The following RBMS3 variants were observed in gnomAD, a reference collection of about 807,000 sequenced individuals.
The protein encoded by RBMS3 is RNA binding motif single stranded interacting protein 3.
A neutral mutation model predicts 66.8 loss-of-function variants in RBMS3; 27 were observed. That is an observed-to-expected ratio of 0.40 (90% CI 0.30 to 0.56). The LOEUF (loss-of-function observed/expected upper bound fraction) is 0.56, where lower values mean the gene tolerates loss of function less well. Ranked by LOEUF, RBMS3 falls within the 20% of genes least tolerant of loss-of-function variation. The pLI is 0.40. For synonymous variants in RBMS3, 188 were observed against 183.0 expected (o/e 1.03, Z -0.22); for missense variants, 513 against 549.5 (o/e 0.93, Z 0.66).
In RBMS3 at chr3:29,909,549, C is replaced by T. The variant is rs111993268; in HGVS notation, c.939+9794C>T. The stretch of plus-strand genomic sequence containing the variant: ...CCCTGCCTCCTAAGCACAGGAGTGT[C>T]TAGGGGCAGTGGTGAGTCTAGAATC... On this transcript the variant is annotated intron_variant, in intron 10 of 14. Coordinates refer to ENST00000383767, the MANE Select transcript of RBMS3 (RefSeq NM_001003793.3). Among the ~76,000 whole-genome samples, 46 of 152,184 alleles carry T rather than the reference C, an allele frequency of 3.0e-4. 2 individuals are homozygous for T. The highest frequency in any genetic ancestry group is 1.1e-3 in the African/African-American group (44 of 41,524).
chr3:29,308,771 GA>G (rs2034186429), intron 1 of RBMS3, among the ~76,000 whole-genome samples: 2 of 137,502 alleles, frequency 1.5e-5, no homozygotes, highest in Non-Finnish European at 3.2e-5. Context: ...AAAAAAACGG[GA>G]AAGTAAAACT....
chr3:29,579,453 G>T (rs912040714), intron 3 of RBMS3, among the ~76,000 whole-genome samples: 2 of 152,180 alleles, frequency 1.3e-5, no homozygotes, highest in African/African-American at 4.8e-5. Context: ...TAAGTCTAGA[G>T]CAAGGGGGAG....
chr3:29,325,032 A>G (rs1221160194), intron 1 of RBMS3, among the ~76,000 whole-genome samples: 2 of 152,196 alleles, frequency 1.3e-5, no homozygotes, highest in Admixed American at 1.3e-4. Flanking sequence ...TAACAAGAGA[A>G]TATTGGAAAC....
intron 12 of RBMS3, among the ~76,000 whole-genome samples, chr3:29,946,844 T>C (rs1695348497): frequency 6.6e-6 from 1 of 151,676 alleles, no homozygotes; most frequent in Non-Finnish European, 1.5e-5. Context: ...ATGGACTATG[T>C]ATTTGTGTGA....
chr3:29,360,708 T>A (rs546271276), intron 1 of RBMS3, among the ~76,000 whole-genome samples: 1 of 152,098 alleles, frequency 6.6e-6, no homozygotes, highest in African/African-American at 2.4e-5. Flanking sequence ...CTCTAAGGAC[T>A]TGCTTTATGA....
intron 1 of RBMS3, among the ~76,000 whole-genome samples, chr3:29,282,697 A>G (rs2031916051): frequency 6.6e-6 from 1 of 152,054 alleles, no homozygotes. Context: ...ATTATTTTGT[A>G]TTGCATTAGC....
chr3:29,477,720 G>A (rs76621568), intron 2 of RBMS3, among the ~76,000 whole-genome samples: 1 of 152,018 alleles, frequency 6.6e-6, no homozygotes, highest in Non-Finnish European at 1.5e-5. Context: ...AGTTGAGTAG[G>A]GATGAGGAGA....
intron 5 of RBMS3, among the ~76,000 whole-genome samples, chr3:29,743,300 A>T (rs2054723117): frequency 1.3e-5 from 2 of 152,268 alleles, no homozygotes; most frequent in Admixed American, 1.3e-4. Flanking sequence ...TGCTTTTCTC[A>T]TCTGAAATTT....
At chr3:29,905,273 C>A (rs114838491) in intron 10 of RBMS3, among the ~76,000 whole-genome samples, 5,274 of 152,048 alleles carry the variant, frequency 0.035, 107 homozygotes, top group African/African-American at 0.044. Context: ...ACAACCCCAG[C>A]TTTAGAGCAT....
At chr3:29,790,241 A>G (rs539885848) in intron 6 of RBMS3, among the ~76,000 whole-genome samples, 2 of 152,326 alleles carry the variant, frequency 1.3e-5, no homozygotes, top group South Asian at 2.1e-4. Context: ...AAAGTAGCAT[A>G]TGAAATTTAA....
At chr3:29,969,868 C>T (rs1194271838) in intron 12 of RBMS3, among the ~76,000 whole-genome samples, 2 of 152,086 alleles carry the variant, frequency 1.3e-5, no homozygotes, top group African/African-American at 2.4e-5. Flanking sequence ...TCTTCATATC[C>T]TTCTGTCTAT....
intron 4 of RBMS3, among the ~76,000 whole-genome samples, chr3:29,710,253 T>C (rs1462536588): frequency 6.6e-6 from 1 of 152,230 alleles, no homozygotes; most frequent in East Asian, 1.9e-4. Context: ...TTTTCTTTGA[T>C]GGGTGATAGT....
intron 6 of RBMS3, among the ~76,000 whole-genome samples, chr3:29,863,752 G>A (rs1390492973): frequency 6.6e-6 from 1 of 152,014 alleles, no homozygotes; most frequent in Non-Finnish European, 1.5e-5. Flanking sequence ...TTACAATAAG[G>A]GAAAATGTTA....
intron 1 of RBMS3, among the ~76,000 whole-genome samples, chr3:29,431,197 A>G (rs1185018085): frequency 6.6e-6 from 1 of 152,190 alleles, no homozygotes; most frequent in Non-Finnish European, 1.5e-5. Context: ...ATCCTGTATA[A>G]TTCATTTTAA....
At chr3:29,769,000 A>G (rs957318095) in intron 6 of RBMS3, among the ~76,000 whole-genome samples, 1 of 151,934 alleles carries the variant, frequency 6.6e-6, no homozygotes, top group Non-Finnish European at 1.5e-5. Flanking sequence ...ACCTTTGGCT[A>G]TAAAGGAAGG....
rs1699795641 is a variant in RBMS3, at chr3:30,006,118, T to A, written c.*2256T>A. On this transcript the variant is annotated 3_prime_UTR_variant, in exon 15 of 15. Transcript: ENST00000383767. The stretch of plus-strand genomic sequence containing the variant: ...ATCCTTTGAATCAAATAGGTGAAAC[T>A]CTTTTCAAAAACTAAGTCAGTCACA... 1 of 151,868 alleles carries A rather than the reference T, an allele frequency of 6.6e-6. No homozygotes were observed. The highest frequency in any genetic ancestry group is 2.4e-5 in the African/African-American group (1 of 41,402). The allele number at this position is 151,868 out of a possible 1,614,324, so 9.4% of individuals were successfully genotyped here.
intron 1 of RBMS3, among the ~76,000 whole-genome samples, chr3:29,325,548 G>GTATATATGTGTGTATGTATATA (rs1559489295): frequency 4.6e-5 from 7 of 151,300 alleles, no homozygotes; most frequent in African/African-American, 1.7e-4. Context: ...ATACATGTGT[G>GTATATATGTGTGTATGTATATA]TATATATGTG....
At chr3:29,428,156 G>T (rs966593955) in intron 1 of RBMS3, among the ~76,000 whole-genome samples, 5 of 152,076 alleles carry the variant, frequency 3.3e-5, no homozygotes, top group African/African-American at 1.2e-4. Flanking sequence ...TACTGTACTG[G>T]CCTTTCAAGA....
At chr3:29,495,934 T>A (rs975704699) in intron 3 of RBMS3, among the ~76,000 whole-genome samples, 2 of 152,104 alleles carry the variant, frequency 1.3e-5, no homozygotes, top group Non-Finnish European at 2.9e-5. Context: ...CTGGTCCACA[T>A]GGAAATCAAG....
Sources: gnomAD v4.1 joint callset for allele counts (sites outside exome capture counted in the v4.1 genomes callset) on GRCh38, gnomAD v4.1.1 for gene constraint, MANE v1.5 for transcripts, NCBI Gene and HGNC (gene_info 2026-07-23, HGNC 2026-07-21) for gene names.